Variants in PLXNA2 observed in about 807,000 individuals in gnomAD.
PLXNA2 encodes plexin-A2.
PLXNA2 carries 91 observed loss-of-function variants against 193.5 expected under a neutral mutation model. The observed-to-expected ratio is 0.47, with a 90% CI of 0.40 to 0.56. The LOEUF (loss-of-function observed/expected upper bound fraction) is 0.56. Among genes scored for constraint, PLXNA2 ranks in the 20% least tolerant of loss-of-function variants. The probability of loss-of-function intolerance (pLI) is 0.00; values close to 1 mark genes in which losing one functional copy is unlikely to be tolerated. For missense variants in PLXNA2, 1,995 were observed against 2,503.2 expected (o/e 0.80, Z 4.33); for synonymous variants, 997 against 1,027.3 (o/e 0.97, Z 0.56).
intron 3 of PLXNA2, among the ~76,000 whole-genome samples, chr1:208,142,760 A>C (rs893051687): frequency 6.6e-6 from 1 of 152,218 alleles, no homozygotes; most frequent in African/African-American, 2.4e-5. Flanking sequence ...GTGCATGTAC[A>C]TCTATTTATA....
Position 208,209,983 on chromosome 1 carries a change from A to AATTTTTTTTTTTTTTTTTT in PLXNA2, c.1371+296_1371+297insAAAAAAAAAAAAAAAAAAT, listed in dbSNP as rs34413554. Reference sequence around the variant, plus strand: ...TTGCTTGATTTGGGAATGAAGAGCAATTTTTTTTTTTTTTTTTTTTTGCTT... The same window carrying AATTTTTTTTTTTTTTTTTT: ...TTGCTTGATTTGGGAATGAAGAGCAAATTTTTTTTTTTTTTTTTTTTTTTTTTTTTTTTTTTTTTTGCTT... On this transcript the variant is annotated intron_variant, in intron 3 of 31. Transcript: ENST00000367033. 9.0e-3 allele frequency: 788 copies of AATTTTTTTTTTTTTTTTTT among 87,888 alleles called. 301 individuals are homozygous for AATTTTTTTTTTTTTTTTTT. The highest frequency in any genetic ancestry group is 0.022 in the South Asian group (87 of 3,964). 5.4% of individuals were successfully genotyped at this position (87,888 alleles called of 1,614,324 possible). A position where few individuals can be genotyped will look rare whatever the true frequency, so the allele number is the denominator to read the frequency against.
rs566206599 is a variant in PLXNA2, at chr1:208,030,422, G to A, written c.5225+1168C>T. On this transcript the variant is annotated intron_variant, in intron 29 of 31. Transcript: ENST00000367033. ...CCTCTCCCAGCGCTGGGCCGGGGAT[G>A]CTCCAAAGCAAAGGGGACAGGCATG... The A allele has an allele frequency of 1.5e-5, 15 of 985,564 alleles. No individual in the cohort carries two copies. In the South Asian group the frequency reaches 6.1e-4, roughly 40 times the overall value. The allele number at this position is 985,564 out of a possible 1,614,324, so 61.1% of individuals were successfully genotyped here.
intron 4 of PLXNA2, among the ~76,000 whole-genome samples, chr1:208,125,498 G>C: frequency 6.6e-6 from 1 of 152,168 alleles, no homozygotes; most frequent in Non-Finnish European, 1.5e-5. Context: ...GAGAGAAATC[G>C]CATTCTGAGA....
At chr1:208,171,039 C>T (rs1057494514) in intron 3 of PLXNA2, among the ~76,000 whole-genome samples, 1 of 152,136 alleles carries the variant, frequency 6.6e-6, no homozygotes, top group African/African-American at 2.4e-5. Context: ...GGTATTATTC[C>T]CAATGCAGGC....
chr1:208,164,138 T>C (rs1046735537), intron 3 of PLXNA2, among the ~76,000 whole-genome samples: 1 of 152,220 alleles, frequency 6.6e-6, no homozygotes, highest in African/African-American at 2.4e-5. Context: ...GGCATGTGTG[T>C]GCCCCATTAG....
At chr1:208,148,601 T>C (rs1462515041) in intron 3 of PLXNA2, among the ~76,000 whole-genome samples, 1 of 152,226 alleles carries the variant, frequency 6.6e-6, no homozygotes, top group Non-Finnish European at 1.5e-5. Flanking sequence ...TGATTTATTA[T>C]GTGCCTACCA....
chr1:208,218,118 A>C, intron 1 of PLXNA2, 116 bp from the exon 2 acceptor site: 1 of 850,194 alleles, frequency 1.2e-6, no homozygotes, highest in Non-Finnish European at 1.8e-6. Flanking sequence ...CTCCTTCTGC[A>C]TTTTGGTTTT....
chr1:208,110,198 C>T (rs1260380604), intron 4 of PLXNA2, among the ~76,000 whole-genome samples: 1 of 152,250 alleles, frequency 6.6e-6, no homozygotes, highest in East Asian at 1.9e-4. Flanking sequence ...TCCAGGCCCC[C>T]TCCCTCCTGA....
chr1:208,197,930 T>A (rs559404113), intron 3 of PLXNA2, among the ~76,000 whole-genome samples: 1 of 152,114 alleles, frequency 6.6e-6, no homozygotes, highest in East Asian at 1.9e-4. Flanking sequence ...AATACAAATA[T>A]AGAATGTATA....
intron 4 of PLXNA2, among the ~76,000 whole-genome samples, chr1:208,119,873 C>T (rs564619535): frequency 3.0e-4 from 46 of 152,354 alleles, no homozygotes; most frequent in Middle Eastern, 6.8e-3. Context: ...CCTAGCCTCC[C>T]AAAGTGCTGG....
rs1558166566 is a variant in PLXNA2, at chr1:208,052,440, G to T, written c.2880C>A (p.Asn960Lys). 4.3e-6 allele frequency: 7 copies of T among 1,614,052 alleles called. No individual in the cohort carries two copies. The highest frequency in any genetic ancestry group is 3.4e-6 in the Non-Finnish European group (4 of 1,180,022). The change falls in exon 15 of 32, where the codon AAC becomes AAA. Residue 960 changes from asparagine to lysine, a missense_variant. Around this residue, in one of 3 missense-constraint regions of PLXNA2, gnomAD observed 1,291 missense variants for 1,673.6 expected, o/e 0.77. Coordinates refer to ENST00000367033, the MANE Select transcript of PLXNA2 (RefSeq NM_025179.4). Reference protein sequence around the residue: ...TFVNPSVLSLNPIRGPESGGT... With the variant: ...TFVNPSVLSLKPIRGPESGGT... ...CTCCTGACTCGGGACCTCGGATTGG[G>T]TTGAGTGACAGCACAGAAGGGTTCT...
chr1:208,094,732 T>C (rs1371009880), intron 8 of PLXNA2, among the ~76,000 whole-genome samples: 1 of 152,212 alleles, frequency 6.6e-6, no homozygotes, highest in African/African-American at 2.4e-5. Context: ...ACCAGGCCAT[T>C]TCTATCACTT....
chr1:208,150,173 G>T (rs1435449985), intron 3 of PLXNA2, among the ~76,000 whole-genome samples: 2 of 152,164 alleles, frequency 1.3e-5, no homozygotes, highest in African/African-American at 4.8e-5. Context: ...TAAGATTTGA[G>T]AATTTCTGCT....
chr1:208,070,059 T>G (rs1665932694), intron 12 of PLXNA2, among the ~76,000 whole-genome samples: 1 of 152,254 alleles, frequency 6.6e-6, no homozygotes, highest in Non-Finnish European at 1.5e-5. Context: ...ATCTAACCGC[T>G]GCTTTTTGCC....
At chr1:208,052,104 C>A (rs745760762) in intron 15 of PLXNA2, among the ~76,000 whole-genome samples, 5 of 152,180 alleles carry the variant, frequency 3.3e-5, no homozygotes, top group Non-Finnish European at 5.9e-5. Context: ...TCATGGCCCT[C>A]ACTTCTCATT....
chr1:208,084,368 G>A lies in PLXNA2; in HGVS notation c.2298+12C>T. 1.2e-6 allele frequency: 2 copies of A among 1,613,830 alleles called. No homozygotes were observed. Among genetic ancestry groups the A allele is most frequent in the Admixed American group, 3.3e-5 (2 of 60,032 alleles). ...CCCTGCTCCAGGCAGGGCCCAGCCT[G>A]CGTTTTCTTACCGAGCTGTTCTGAC... On this transcript the variant is annotated intron_variant, in intron 10 of 31. Transcript: ENST00000367033.
At position 208,088,777 on chromosome 1, in the gene PLXNA2, T is replaced by G. The variant is rs17187037; in HGVS notation, c.2097+4009A>C. Among the ~76,000 whole-genome samples the G allele has an allele frequency of 7.1e-3, 1,077 of 152,314 alleles. 6 individuals carry two copies. The highest frequency in any genetic ancestry group is 0.025 in the African/African-American group (1,041 of 41,562). Reference sequence around the variant, plus strand: ...AGATTGCATGAAAGAGGAAAATCAATGTGTGTTGTAAGTGGTAATATGCTG... The same window carrying G: ...AGATTGCATGAAAGAGGAAAATCAAGGTGTGTTGTAAGTGGTAATATGCTG... On this transcript the variant is annotated intron_variant, in intron 9 of 31. Transcript: ENST00000367033.
At chr1:208,137,168 C>A (rs1277079608) in intron 4 of PLXNA2, among the ~76,000 whole-genome samples, 4 of 152,146 alleles carry the variant, frequency 2.6e-5, no homozygotes, top group Non-Finnish European at 5.9e-5. Flanking sequence ...ACACACACAC[C>A]CATCACCATC....
intron 9 of PLXNA2, among the ~76,000 whole-genome samples, chr1:208,088,199 AG>A (rs886329142): frequency 3.3e-5 from 5 of 152,174 alleles, no homozygotes; most frequent in African/African-American, 1.2e-4. Flanking sequence ...GGGTGGCGGT[AG>A]GCTGGGGAAG....
Sources: gnomAD v4.1 joint callset for allele counts (sites outside exome capture counted in the v4.1 genomes callset) on GRCh38, gnomAD v4.1.1 for gene constraint, gnomAD v4.1.1 regional missense constraint, MANE v1.5 for transcripts, NCBI Gene and HGNC (gene_info 2026-07-23, HGNC 2026-07-21) for gene names.